Variants in TSC22D3 observed in about 807,000 individuals in gnomAD.
TSC22D3 encodes the protein TSC22 domain family member 3.
TSC22D3 carries 4 observed loss-of-function variants against 11.1 expected under a neutral mutation model. The observed-to-expected ratio is 0.36, with a 90% confidence interval of 0.18 to 0.83. The LOEUF (loss-of-function observed/expected upper bound fraction) is 0.83, where lower values mean the gene tolerates loss of function less well. TSC22D3 is among the 40% of genes least tolerant of loss of function. The pLI, the probability that TSC22D3 is intolerant of heterozygous loss-of-function variation, is 0.48. For synonymous variants in TSC22D3, 77 were observed against 70.3 expected, an observed-to-expected ratio of 1.10 and a Z score of -0.48; for missense variants, 118 against 159.4, an observed-to-expected ratio of 0.74 and a Z score of 1.40.
intron 1 of TSC22D3, among the ~76,000 whole-genome samples, chrX:107,736,848 C>T (rs1432802997): frequency 1.8e-5 from 2 of 111,251 alleles, no homozygotes; most frequent in African/African-American, 6.6e-5. Context: ...ACATCCCACC[C>T]CGGGAAGCCC....
At chrX:107,752,755 C>T (rs747542509) in intron 1 of TSC22D3, among the ~76,000 whole-genome samples, 1 of 111,590 alleles carries the variant, frequency 9.0e-6, no homozygotes, top group South Asian at 3.9e-4. Context: ...AGATTCCCCA[C>T]GGACACCACT....
chrX:107,738,739 T>C (rs1240020536), intron 1 of TSC22D3, among the ~76,000 whole-genome samples: 1 of 112,882 alleles, frequency 8.9e-6, no homozygotes, highest in East Asian at 2.8e-4. Context: ...GCTGAGTCCT[T>C]AAGGCAGTAA....
intron 1 of TSC22D3, among the ~76,000 whole-genome samples, chrX:107,733,414 A>G (rs191391189): frequency 8.9e-6 from 1 of 111,810 alleles, no homozygotes; most frequent in East Asian, 2.8e-4. Context: ...AGCTCTCTTC[A>G]CAAAAAAAAA....
chrX:107,765,716 T>G (rs1352132646), intron 1 of TSC22D3, among the ~76,000 whole-genome samples: 1 of 112,387 alleles, frequency 8.9e-6, no homozygotes, highest in African/African-American at 3.2e-5. Context: ...TTCTTTTTCT[T>G]TTTTACTGCT....
intron 1 of TSC22D3, among the ~76,000 whole-genome samples, chrX:107,726,597 G>A (rs1325242178): frequency 8.9e-6 from 1 of 112,494 alleles, no homozygotes; most frequent in Non-Finnish European, 1.9e-5. Flanking sequence ...CAAAAATAAA[G>A]CACATAAATG....
chrX:107,743,795 T>C (rs1184851690), intron 1 of TSC22D3, among the ~76,000 whole-genome samples: 2 of 111,925 alleles, frequency 1.8e-5, no homozygotes, highest in Non-Finnish European at 3.8e-5. Context: ...AGGGGAAGCA[T>C]GGCCCTAGTT....
At chrX:107,748,602 T>C (rs1928779978) in intron 1 of TSC22D3, among the ~76,000 whole-genome samples, 1 of 111,728 alleles carries the variant, frequency 9.0e-6, no homozygotes, top group South Asian at 3.7e-4. Flanking sequence ...TTTATAACCC[T>C]TGTTCCAACT....
At chrX:107,763,985 G>T (rs909990557) in intron 1 of TSC22D3, among the ~76,000 whole-genome samples, 4 of 112,340 alleles carry the variant, frequency 3.6e-5, no homozygotes, top group Admixed American at 2.8e-4. Flanking sequence ...TGGCTTCAGT[G>T]GTTACTCAGA....
chrX:107,742,831 C>G (rs781748697), intron 1 of TSC22D3, among the ~76,000 whole-genome samples: 143 of 112,072 alleles, frequency 1.3e-3, no homozygotes, highest in Non-Finnish European at 2.4e-3. Flanking sequence ...TGAGGGGAAC[C>G]TGATCCCGCC....
chrX:107,743,139 T>G (rs771645218), intron 1 of TSC22D3, among the ~76,000 whole-genome samples: 1 of 112,799 alleles, frequency 8.9e-6, no homozygotes, highest in Non-Finnish European at 1.9e-5. Flanking sequence ...AGAGCGGCCC[T>G]TGGCCCTGAG....
At chrX:107,728,951 C>T (rs1212140873) in intron 1 of TSC22D3, among the ~76,000 whole-genome samples, 1 of 111,344 alleles carries the variant, frequency 9.0e-6, no homozygotes, top group Non-Finnish European at 1.9e-5. Flanking sequence ...ATCTGGTGGC[C>T]TTGGGATTTC....
chrX:107,766,153 A>G (rs1270028002), intron 1 of TSC22D3, among the ~76,000 whole-genome samples: 1 of 112,053 alleles, frequency 8.9e-6, no homozygotes, highest in Non-Finnish European at 1.9e-5. Flanking sequence ...AGCTAGTGGA[A>G]TATTAGATTG....
intron 1 of TSC22D3, among the ~76,000 whole-genome samples, chrX:107,718,201 CAG>C (rs766783316): frequency 1.8e-4 from 20 of 112,169 alleles, no homozygotes; most frequent in African/African-American, 6.5e-4. Context: ...ATAAAGGCAC[CAG>C]AGACTTGAGG....
chrX:107,728,594 G>A (rs1185268084), intron 1 of TSC22D3, among the ~76,000 whole-genome samples: 1 of 112,145 alleles, frequency 8.9e-6, no homozygotes, highest in Non-Finnish European at 1.9e-5. Context: ...ATCAAAGAGG[G>A]ATTTAGGGCT....
chrX:107,723,867 G>A (rs1927481904), intron 1 of TSC22D3, among the ~76,000 whole-genome samples: 2 of 112,564 alleles, frequency 1.8e-5, no homozygotes, highest in African/African-American at 6.5e-5. Context: ...GCAGACGAGG[G>A]GCTTGTGAAG....
At chrX:107,740,648 G>A (rs1928362914) in intron 1 of TSC22D3, among the ~76,000 whole-genome samples, 1 of 111,053 alleles carries the variant, frequency 9.0e-6, no homozygotes, top group African/African-American at 3.3e-5. Context: ...CGGTGAAAGA[G>A]TGGGTGTACA....
chrX:107,755,645 C>T (rs59536752), intron 1 of TSC22D3, among the ~76,000 whole-genome samples: 1,938 of 112,414 alleles, frequency 0.017, 41 homozygotes, highest in African/African-American at 0.059. Flanking sequence ...AGTCTGATTT[C>T]GTACACATTT....
intron 2 of TSC22D3, 105 bp from the exon 3 acceptor site, chrX:107,714,854 G>T: frequency 1.3e-6 from 1 of 762,105 alleles, no homozygotes; most frequent in Non-Finnish European, 2.0e-6. Flanking sequence ...TAATGCCAGG[G>T]CCCTCCAGCC....
rs377256500 is a variant in TSC22D3 at position 107,716,678 on chromosome X, G to A, written c.321-728C>T. On this transcript the variant is annotated intron_variant, in intron 1 of 2. Coordinates refer to ENST00000372383, the MANE Select transcript of TSC22D3 (RefSeq NM_198057.3). The stretch of plus-strand genomic sequence containing the variant: ...CGGCTCGGGAGGCGCCGGAGCTGGG[G>A]CCAGCGGTTACCTGTTGTCCAGCTT... 29 of 1,203,091 alleles carry A rather than the reference G, an allele frequency of 2.4e-5. No homozygotes were observed. The African/African-American group carries it at 4.5e-4, about 19-fold the overall frequency.
Sources: gnomAD v4.1 joint callset for allele counts (sites outside exome capture counted in the v4.1 genomes callset) on GRCh38, gnomAD v4.1.1 for gene constraint, MANE v1.5 for transcripts, NCBI Gene and HGNC (gene_info 2026-07-23, HGNC 2026-07-21) for gene names.